EVI5L: variants seen among roughly 807,000 people sequenced by gnomAD.
EVI5L encodes the protein ecotropic viral integration site 5 like.
Under a neutral mutation model 106.1 loss-of-function variants are expected in EVI5L, and 30 were observed. That is an observed-to-expected ratio of 0.28 (90% CI 0.21 to 0.38). The LOEUF (loss-of-function observed/expected upper bound fraction) is 0.38, where lower values mean the gene tolerates loss of function less well. Among genes scored for constraint, EVI5L ranks in the 10% least tolerant of loss-of-function variants. EVI5L has a pLI of 1.00. For missense variants in EVI5L, 809 were observed against 1,098.0 expected, an observed-to-expected ratio of 0.74 and a Z score of 3.72; for synonymous variants, 489 against 483.3, an observed-to-expected ratio of 1.01 and a Z score of -0.15.
At chr19:7,843,333 T>C (rs1454547504) in intron 1 of EVI5L, among the ~76,000 whole-genome samples, 1 of 143,888 alleles carries the variant, frequency 6.9e-6, no homozygotes, top group East Asian at 2.1e-4. Flanking sequence ...GTGTTGAGTG[T>C]GCATGTGTGT....
Position 7,858,503 on chromosome 19 carries a change from C to T in EVI5L, c.1374+172C>T. 4.9e-6 allele frequency: 4 copies of T among 813,618 alleles called. No homozygotes were observed. Among genetic ancestry groups the T allele is most frequent in the Non-Finnish European group, 7.5e-6 (4 of 534,798 alleles). The allele number at this position is 813,618 out of a possible 1,614,324, so 50.4% of individuals were successfully genotyped here. On this transcript the variant is annotated intron_variant, in intron 13 of 19. Transcript: ENST00000538904. This position sits in a 1 kb window ranked among gnomAD's most constrained non-coding sequence, Gnocchi z 5.7. Reference sequence around the variant, plus strand: ...AAGCGCAGATTCTCCCCCAGCAGCTCCACATTCTGAGACATCCTGATATCC... The same window carrying T: ...AAGCGCAGATTCTCCCCCAGCAGCTTCACATTCTGAGACATCCTGATATCC...
At chr19:7,831,167 T>G (rs1386971964) in intron 1 of EVI5L, among the ~76,000 whole-genome samples, 1 of 150,718 alleles carries the variant, frequency 6.6e-6, no homozygotes, top group Non-Finnish European at 1.5e-5. Flanking sequence ...GACCTCCCGT[T>G]GGATATTCTG....
rs1318002985 is a variant in EVI5L, at chr19:7,857,039, G to A, written c.1201-53G>A. 10 of 1,547,946 alleles carry A rather than the reference G, an allele frequency of 6.5e-6. No homozygotes were observed. Among genetic ancestry groups the A allele is most frequent in the Middle Eastern group, 1.7e-4 (1 of 6,012 alleles). On this transcript the variant is annotated intron_variant, in intron 11 of 19. Coordinates refer to ENST00000538904, the MANE Select transcript of EVI5L (RefSeq NM_001159944.3). The surrounding 1 kb of genome is among the most constrained non-coding windows in gnomAD (Gnocchi z 4.5). ...TCTGTCTCCCCTCTCCTGTCCCCGC[G>A]CCTTCCGCTCTGCCTCCTCCCCCTG...
chr19:7,851,935 A>G, intron 8 of EVI5L, among the ~76,000 whole-genome samples, 165 bp downstream of exon 8: 1 of 152,068 alleles, frequency 6.6e-6, no homozygotes, highest in East Asian at 1.9e-4. Context: ...AGGTCTCCCT[A>G]AGGGACCAGA....
chr19:7,863,540 C>A lies in EVI5L; in HGVS notation c.2256C>A (p.Gly752=). 6.3e-7 allele frequency: 1 copy of A among 1,599,380 alleles called. No individual in the cohort carries two copies. The highest frequency in any genetic ancestry group is 8.5e-7 in the Non-Finnish European group (1 of 1,173,934). ...SLPSSDEELL[G]VGVGAALQDA... ...CGTCGTCGGACGAGGAGCTACTTGG[C>A]GTAGGCGTGGGCGCTGCCCTGCAGG... Residue 752 remains glycine, a synonymous_variant, in exon 20 of 20, where the codon GGC becomes GGA. Transcript: ENST00000538904. The surrounding 1 kb of genome is among the most constrained non-coding windows in gnomAD (Gnocchi z 7.7).
At chr19:7,840,281 C>T (rs550989525) in intron 1 of EVI5L, among the ~76,000 whole-genome samples, 9 of 152,316 alleles carry the variant, frequency 5.9e-5, no homozygotes, top group African/African-American at 1.2e-4. Flanking sequence ...GAGTTCAAGA[C>T]GAGCCTGGCC....
Position 7,863,547 on chromosome 19 carries a change from G to T in EVI5L, c.2263G>T (p.Val755Leu). The change falls in exon 20 of 20, where the codon GTG (valine) becomes TTG (leucine). Residue 755 changes from valine (V) to leucine (L), a missense_variant. By Grantham distance (32) the Val-to-Leu change is conservative. Transcript: ENST00000538904. The surrounding 1 kb of genome is among the most constrained non-coding windows in gnomAD (Gnocchi z 7.7). The part of the protein sequence containing the change: ...SSDEELLGVG[V>L]GAALQDALYP... Reference sequence around the variant, plus strand: ...GGACGAGGAGCTACTTGGCGTAGGCGTGGGCGCTGCCCTGCAGGACGCATT... The same window carrying T: ...GGACGAGGAGCTACTTGGCGTAGGCTTGGGCGCTGCCCTGCAGGACGCATT... 6.2e-7 allele frequency: 1 copy of T among 1,600,144 alleles called. No individual in the cohort carries two copies.
At position 7,835,108 on chromosome 19, in the gene EVI5L, G is replaced by A. The variant is rs1978320926; in HGVS notation, c.-48+4727G>A. Among the ~76,000 whole-genome samples the A allele has an allele frequency of 2.0e-5, 3 of 151,952 alleles. No individual in the cohort carries two copies. The highest frequency in any genetic ancestry group is 1.3e-4 in the Admixed American group (2 of 15,230). ...GCTATGATTGTACCACTATACTGCA[G>A]CCTGGGTGACAAAACAAGACCCTGT... is the stretch of plus-strand genomic sequence containing the variant. On this transcript the variant is annotated intron_variant, in intron 1 of 19. Coordinates refer to ENST00000538904, the MANE Select transcript of EVI5L (RefSeq NM_001159944.3). The surrounding 1 kb of genome is among the most constrained non-coding windows in gnomAD (Gnocchi z 4.1).
intron 10 of EVI5L, among the ~76,000 whole-genome samples, chr19:7,855,169 T>G (rs186002837): frequency 1.4e-3 from 215 of 150,032 alleles, no homozygotes; most frequent in African/African-American, 4.9e-3. Context: ...CAGGCTGCAG[T>G]GCAGTGAGGT....
rs2146436496 is a variant in EVI5L at position 7,858,415 on chromosome 19, A to T, written c.1374+84A>T. 2.1e-6 allele frequency: 3 copies of T among 1,457,342 alleles called. No individual in the cohort carries two copies. The highest frequency in any genetic ancestry group is 2.7e-6 in the Non-Finnish European group (3 of 1,105,730). 90.3% of individuals were successfully genotyped at this position (1,457,342 alleles called of 1,614,324 possible). A position where few individuals can be genotyped will look rare whatever the true frequency, so the allele number is the denominator to read the frequency against. On this transcript the variant is annotated intron_variant, in intron 13 of 19. Transcript: ENST00000538904. This position sits in a 1 kb window ranked among gnomAD's most constrained non-coding sequence, Gnocchi z 5.7. ...CCAACGGTTTTCTTTCAGGGCTCAT[A>T]ATCTGCCCCGCCTCAGCACCTGGCC...
intron 10 of EVI5L, among the ~76,000 whole-genome samples, chr19:7,854,022 A>G (rs1370620352): frequency 1.3e-5 from 2 of 152,148 alleles, no homozygotes; most frequent in African/African-American, 2.4e-5. Context: ...TGGCTCATGC[A>G]TGTAATCCCA....
intron 8 of EVI5L, among the ~76,000 whole-genome samples, chr19:7,852,119 C>G (rs12973105): frequency 0.35 from 53,711 of 152,092 alleles, 10,264 homozygotes; most frequent in South Asian, 0.65. Flanking sequence ...GCATCCCCAC[C>G]CTGCCGCCCA....
chr19:7,853,056 G>T (rs1568240638), intron 8 of EVI5L, 30 bp from the exon 9 acceptor site: 1 of 1,612,824 alleles, frequency 6.2e-7, no homozygotes, highest in Non-Finnish European at 8.5e-7. Flanking sequence ...CTGCATGTTG[G>T]TGACCAGGTG....
intron 1 of EVI5L, among the ~76,000 whole-genome samples, chr19:7,837,684 T>G (rs113429354): frequency 2.1e-4 from 32 of 152,110 alleles, no homozygotes; most frequent in African/African-American, 7.2e-4. Flanking sequence ...TTTTTGTTTG[T>G]TTGGTTTGGT....
chr19:7,851,024 G>C (rs1020392575), intron 6 of EVI5L, among the ~76,000 whole-genome samples: 6 of 151,010 alleles, frequency 4.0e-5, no homozygotes, highest in Admixed American at 6.6e-5. Flanking sequence ...AACAAGGTGG[G>C]GGGGGGGCTC....
In EVI5L at chr19:7,863,431, T is replaced by G; in HGVS notation, c.2147T>G (p.Leu716Arg). The change falls in exon 20 of 20, where the codon CTG (leucine) becomes CGG (arginine). Residue 716 changes from leucine (L) to arginine (R), a missense_variant. Coordinates refer to ENST00000538904, the MANE Select transcript of EVI5L (RefSeq NM_001159944.3). This position sits in a 1 kb window ranked among gnomAD's most constrained non-coding sequence, Gnocchi z 7.7. ...QIEELKAEVR[L>R]LKGPPPFEDP... ...GCCGGTCCCCCGCCCCAGGTGCGGC[T>G]GCTGAAGGGCCCGCCGCCCTTCGAG... 6.5e-7 allele frequency: 1 copy of G among 1,543,430 alleles called. No individual in the cohort carries two copies. The highest frequency in any genetic ancestry group is 1.2e-5 in the South Asian group (1 of 83,786).
chr19:7,857,460 C>A lies in EVI5L; in HGVS notation c.1233+336C>A. 2.0e-6 allele frequency: 1 copy of A among 506,234 alleles called. No homozygotes were observed. Among genetic ancestry groups the A allele is most frequent in the Non-Finnish European group, 3.6e-6 (1 of 276,622 alleles). 31.4% of individuals were successfully genotyped at this position (506,234 alleles called of 1,614,324 possible). A position where few individuals can be genotyped will look rare whatever the true frequency, so the allele number is the denominator to read the frequency against. ...TATTCACATAAGGCCCTGGTGTGTGCAGTGCTGCGGTCACACACACACACA... is the reference window on the plus strand; with the variant it reads ...TATTCACATAAGGCCCTGGTGTGTGAAGTGCTGCGGTCACACACACACACA... On this transcript the variant is annotated intron_variant, in intron 12 of 19. Coordinates refer to ENST00000538904, the MANE Select transcript of EVI5L (RefSeq NM_001159944.3). This position sits in a 1 kb window ranked among gnomAD's most constrained non-coding sequence, Gnocchi z 4.5.
At chr19:7,831,565 G>T (rs931290588) in intron 1 of EVI5L, among the ~76,000 whole-genome samples, 4 of 152,154 alleles carry the variant, frequency 2.6e-5, no homozygotes, top group African/African-American at 9.7e-5. Flanking sequence ...CTACCCCTGT[G>T]GGAACCTGCC....
intron 14 of EVI5L, 126 bp downstream of exon 14, chr19:7,860,815 T>A: frequency 8.7e-7 from 1 of 1,143,188 alleles, no homozygotes; most frequent in Non-Finnish European, 1.2e-6. Flanking sequence ...ACCATACATA[T>A]GCACACACAC....
Sources: gnomAD v4.1 joint callset for allele counts (sites outside exome capture counted in the v4.1 genomes callset) on GRCh38, gnomAD v4.1.1 for gene constraint, Gnocchi (gnomAD v3.1) non-coding constraint, MANE v1.5 for transcripts, NCBI Gene and HGNC (gene_info 2026-07-23, HGNC 2026-07-21) for gene names.